Variants in MAP2K5 observed in about 807,000 individuals in gnomAD.
MAP2K5 encodes mitogen-activated protein kinase kinase 5, also known as dual specificity mitogen-activated protein kinase kinase 5.
In MAP2K5, 49 loss-of-function variants were observed where a neutral mutation model predicts 83.1. The observed-to-expected ratio is 0.59, with a 90% CI of 0.47 to 0.75. The LOEUF (loss-of-function observed/expected upper bound fraction) is 0.75. Ranked by LOEUF, MAP2K5 falls within the 30% of genes least tolerant of loss-of-function variation. The pLI, the probability that MAP2K5 is intolerant of heterozygous loss-of-function variation, is 0.00. For synonymous variants in MAP2K5, 202 were observed against 191.8 expected (o/e 1.05, Z -0.44); for missense variants, 457 against 557.5 (o/e 0.82, Z 1.82).
intron 2 of MAP2K5, among the ~76,000 whole-genome samples, chr15:67,554,488 T>C (rs941252226): frequency 1.3e-5 from 2 of 152,200 alleles, no homozygotes; most frequent in Non-Finnish European, 2.9e-5. Context: ...TGTACCTGTT[T>C]TGTATAAATG....
chr15:67,621,921 C>T lies in MAP2K5; in HGVS notation c.546-8967C>T, dbSNP rs113289328. 4.9e-3 allele frequency among the ~76,000 whole-genome samples: 747 copies of T among 152,224 alleles called. 12 individuals carry two copies. The highest frequency in any genetic ancestry group is 0.017 in the African/African-American group (707 of 41,532). On this transcript the variant is annotated intron_variant, in intron 8 of 21. Transcript: ENST00000178640. ...GAAAGTGGCCGGGTGCGGTGGCTTA[C>T]GCCTGTAATCCCAGCATTTTGGGAG...
At chr15:67,612,109 G>T in intron 8 of MAP2K5, among the ~76,000 whole-genome samples, 1 of 140,598 alleles carries the variant, frequency 7.1e-6, no homozygotes. Flanking sequence ...ATGATTTTGT[G>T]AGTTAGTTTA....
chr15:67,667,306 A>G (rs1272033754), intron 13 of MAP2K5, among the ~76,000 whole-genome samples: 2 of 152,238 alleles, frequency 1.3e-5, no homozygotes, highest in Non-Finnish European at 2.9e-5. Flanking sequence ...AGAGCTTTTA[A>G]GTTCAGCTAA....
At chr15:67,544,508 G>A (rs1240120703) in intron 1 of MAP2K5, among the ~76,000 whole-genome samples, 1 of 152,164 alleles carries the variant, frequency 6.6e-6, no homozygotes, top group Non-Finnish European at 1.5e-5. Context: ...GCTCCTGAGT[G>A]GGAGAGTCAG....
chr15:67,580,810 G>A lies in MAP2K5; in HGVS notation c.309G>A (p.Gln103=). Residue 103 remains glutamine, a synonymous_variant, in exon 4 of 22, where the codon CAG becomes CAA. Transcript: ENST00000178640. ...ATGGACAGTTAATAGAGCCTCTGCA[G>A]ATATTTCCAAGAGGTAATGTTGAGC... ...QVNGQLIEPL[Q]IFPRACKPPG... The A allele has an allele frequency of 4.4e-6, 7 of 1,606,532 alleles. No individual in the cohort carries two copies. The highest frequency in any genetic ancestry group is 6.0e-6 in the Non-Finnish European group (7 of 1,174,260).
intron 11 of MAP2K5, among the ~76,000 whole-genome samples, chr15:67,651,529 C>T (rs1275951990): frequency 6.6e-6 from 1 of 152,170 alleles, no homozygotes; most frequent in Admixed American, 6.5e-5. Flanking sequence ...TCCTTCCTTT[C>T]TCACTACCCT....
chr15:67,626,924 A>G (rs1450621846), intron 8 of MAP2K5, among the ~76,000 whole-genome samples: 1 of 151,976 alleles, frequency 6.6e-6, no homozygotes, highest in African/African-American at 2.4e-5. Context: ...TAATTGATTA[A>G]GTTTTATTAT....
At chr15:67,707,529 TCTTA>T (rs2088586431) in intron 16 of MAP2K5, among the ~76,000 whole-genome samples, 1 of 152,178 alleles carries the variant, frequency 6.6e-6, no homozygotes, top group African/African-American at 2.4e-5. Flanking sequence ...CTTCAATAAT[TCTTA>T]CTTAAGCACT....
Position 67,785,315 on chromosome 15 carries a change from A to G in MAP2K5, c.1242+12563A>G, listed in dbSNP as rs1234484551. Among the ~76,000 whole-genome samples the G allele has an allele frequency of 6.6e-6, 1 of 152,242 alleles. No individual in the cohort carries two copies. The highest frequency in any genetic ancestry group is 2.4e-5 in the African/African-American group (1 of 41,468). On this transcript the variant is annotated intron_variant, in intron 21 of 21. Coordinates refer to ENST00000178640, the MANE Select transcript of MAP2K5 (RefSeq NM_145160.3). This position sits in a 1 kb window ranked among gnomAD's most constrained non-coding sequence, Gnocchi z 4.4. The stretch of plus-strand genomic sequence containing the variant: ...ATATAAATCAAGCCTGTCTGAAAGC[A>G]TTCTGTTTAGTTCAGTTCAGCTTTT...
intron 13 of MAP2K5, among the ~76,000 whole-genome samples, chr15:67,674,681 C>T (rs114974415): frequency 0.01 from 1,567 of 152,136 alleles, 29 homozygotes; most frequent in African/African-American, 0.036. Context: ...AGATCAGAAA[C>T]GCTACATGTC....
chr15:67,709,652 G>A (rs985089075), intron 16 of MAP2K5, among the ~76,000 whole-genome samples: 10 of 152,134 alleles, frequency 6.6e-5, no homozygotes, highest in African/African-American at 2.4e-4. Context: ...ATGGCTTAAG[G>A]AGAAAGTCCC....
chr15:67,684,301 C>A (rs1016065559), intron 13 of MAP2K5, among the ~76,000 whole-genome samples: 3 of 152,076 alleles, frequency 2.0e-5, no homozygotes, highest in Non-Finnish European at 4.4e-5. Flanking sequence ...GTAGAGAGGC[C>A]TCATTAAACA....
chr15:67,642,071 AC>A (rs2086723703), intron 9 of MAP2K5, among the ~76,000 whole-genome samples: 1 of 152,218 alleles, frequency 6.6e-6, no homozygotes, highest in Non-Finnish European at 1.5e-5. Flanking sequence ...TAAAGCAAAT[AC>A]CAACAATGAT....
rs539459429 is a variant in MAP2K5, at chr15:67,652,771, A to G, written c.737-5782A>G. Reference sequence around the variant, plus strand: ...TTGTCTTGCAAAACTGAAACTCTATACCTATTAAATAAGAACTCCTCATTC... The same window carrying G: ...TTGTCTTGCAAAACTGAAACTCTATGCCTATTAAATAAGAACTCCTCATTC... On this transcript the variant is annotated intron_variant, in intron 11 of 21. Coordinates refer to ENST00000178640, the MANE Select transcript of MAP2K5 (RefSeq NM_145160.3). This position sits in a 1 kb window ranked among gnomAD's most constrained non-coding sequence, Gnocchi z 4.2. 1.8e-3 allele frequency among the ~76,000 whole-genome samples: 281 copies of G among 152,248 alleles called. 1 individual carries two copies. The highest frequency in any genetic ancestry group is 6.8e-3 in the Middle Eastern group (2 of 294).
intron 2 of MAP2K5, 28 bp downstream of exon 2, chr15:67,550,110 C>T: frequency 6.3e-7 from 1 of 1,598,894 alleles, no homozygotes. Flanking sequence ...ACTTTCTTGA[C>T]TATTCCTTTC....
intron 3 of MAP2K5, among the ~76,000 whole-genome samples, chr15:67,568,806 A>G (rs934557113): frequency 6.6e-6 from 1 of 152,002 alleles, no homozygotes; most frequent in Non-Finnish European, 1.5e-5. Context: ...AGAGATCGTG[A>G]CCATCCTGAC....
chr15:67,632,816 C>T (rs946465977), intron 9 of MAP2K5, among the ~76,000 whole-genome samples: 10 of 152,354 alleles, frequency 6.6e-5, no homozygotes, highest in African/African-American at 1.7e-4. Context: ...AACTAAGGCT[C>T]AGATCCTCTG....
At position 67,693,516 on chromosome 15, in the gene MAP2K5, A is replaced by G. The variant is rs770868086; in HGVS notation, c.922-2A>G. On this transcript the variant is annotated splice_acceptor_variant, in intron 14 of 21. Coordinates refer to ENST00000178640, the MANE Select transcript of MAP2K5 (RefSeq NM_145160.3). LOFTEE classifies it high-confidence loss of function. ...GTTCTAACAGACTGTTTTGTCTCAT[A>G]GCTGGTGAATTCTATAGCCAAGACG... 6.2e-7 allele frequency: 1 copy of G among 1,610,230 alleles called. No homozygotes were observed. Among genetic ancestry groups the G allele is most frequent in the South Asian group, 1.1e-5 (1 of 90,622 alleles).
At chr15:67,740,849 G>A (rs1484348737) in intron 17 of MAP2K5, among the ~76,000 whole-genome samples, 4 of 151,922 alleles carry the variant, frequency 2.6e-5, no homozygotes, top group Admixed American at 6.5e-5. Context: ...CCAACATGGC[G>A]AAACCCCGTC....
Sources: allele counts gnomAD v4.1 joint callset (sites outside exome capture counted in the v4.1 genomes callset), GRCh38; gene constraint gnomAD v4.1.1; non-coding constraint Gnocchi (gnomAD v3.1); transcripts MANE v1.5; gene names NCBI Gene and HGNC (gene_info 2026-07-23, HGNC 2026-07-21).